ZFAND3: variants seen among roughly 807,000 people sequenced by gnomAD.
ZFAND3 encodes zinc finger AN1-type containing 3.
In ZFAND3, 10 loss-of-function variants were observed where a neutral mutation model predicts 29.6. That is an observed-to-expected ratio of 0.34 (90% CI 0.21 to 0.57). The LOEUF (loss-of-function observed/expected upper bound fraction) is 0.57. ZFAND3 is among the 20% of genes least tolerant of loss of function. ZFAND3 has a pLI of 0.86. For missense variants in ZFAND3, 230 were observed against 304.5 expected, an observed-to-expected ratio of 0.76 and a Z score of 1.82; for synonymous variants, 128 against 112.6, an observed-to-expected ratio of 1.14 and a Z score of -0.87.
At chr6:38,088,077 G>C (rs1283657560) in intron 4 of ZFAND3, among the ~76,000 whole-genome samples, 1 of 152,142 alleles carries the variant, frequency 6.6e-6, no homozygotes. Flanking sequence ...TCCTGGTAGA[G>C]TCAATATTCA....
At chr6:38,143,159 C>T (rs12662940) in intron 5 of ZFAND3, 13,070 of 152,332 alleles carry the variant, frequency 0.086, 751 homozygotes, top group East Asian at 0.29. Flanking sequence ...TAGAAGGAGA[C>T]ATTACTGGGA....
Position 38,119,405 on chromosome 6 carries a change from C to T in ZFAND3, c.529+2666C>T, listed in dbSNP as rs1462579783. 2.6e-5 allele frequency among the ~76,000 whole-genome samples: 4 copies of T among 152,298 alleles called. No individual in the cohort carries two copies. The East Asian group carries it at 7.7e-4, about 29-fold the overall frequency. ...TTTGAGCTCAAACAGAACACTTCTT[C>T]CCTGCAGAAAATCTTTTTTTAAATA... is the stretch of plus-strand genomic sequence containing the variant. On this transcript the variant is annotated intron_variant, in intron 5 of 5. Coordinates refer to ENST00000287218, the MANE Select transcript of ZFAND3 (RefSeq NM_021943.3).
chr6:37,898,991 G>T (rs760811454), intron 1 of ZFAND3, among the ~76,000 whole-genome samples: 1 of 152,260 alleles, frequency 6.6e-6, no homozygotes, highest in Admixed American at 6.5e-5. Context: ...TGCCTCCCGG[G>T]TTCACGCCAT....
intron 5 of ZFAND3, among the ~76,000 whole-genome samples, chr6:38,117,595 G>C (rs937078491): frequency 6.6e-6 from 1 of 152,082 alleles, no homozygotes; most frequent in African/African-American, 2.4e-5. Flanking sequence ...TTATAAAATT[G>C]TTTGAGGACC....
intron 5 of ZFAND3, among the ~76,000 whole-genome samples, chr6:38,127,446 C>T (rs566440229): frequency 5.3e-5 from 8 of 152,270 alleles, no homozygotes; most frequent in South Asian, 2.1e-4. Context: ...ATATGTCACG[C>T]GTGTGTCTAG....
intron 1 of ZFAND3, among the ~76,000 whole-genome samples, chr6:37,832,493 A>T (rs1763880731): frequency 6.6e-6 from 1 of 152,248 alleles, no homozygotes; most frequent in Non-Finnish European, 1.5e-5. Context: ...GTACAGTAGG[A>T]AAAAGTTCAT....
chr6:38,127,956 C>T (rs1177198083), intron 5 of ZFAND3, among the ~76,000 whole-genome samples: 1 of 152,154 alleles, frequency 6.6e-6, no homozygotes, highest in Admixed American at 6.5e-5. Flanking sequence ...ACTATCTCTT[C>T]TGAAGTACCC....
At chr6:37,888,056 A>G (rs1424810344) in intron 1 of ZFAND3, among the ~76,000 whole-genome samples, 1 of 152,132 alleles carries the variant, frequency 6.6e-6, no homozygotes, top group Non-Finnish European at 1.5e-5. Flanking sequence ...ACAAAACAAA[A>G]CTGTAAGGTG....
At chr6:37,981,884 A>G (rs1762586465) in intron 2 of ZFAND3, among the ~76,000 whole-genome samples, 1 of 152,168 alleles carries the variant, frequency 6.6e-6, no homozygotes, top group South Asian at 2.1e-4. Context: ...TATTTTAAGG[A>G]GACATGATAC....
At chr6:37,924,629 G>A (rs1056969462) in intron 1 of ZFAND3, among the ~76,000 whole-genome samples, 5 of 151,950 alleles carry the variant, frequency 3.3e-5, no homozygotes, top group African/African-American at 1.2e-4. Flanking sequence ...GAGCCCAGGA[G>A]TTTGAGATCA....
rs1483331826 is a variant in ZFAND3, at chr6:38,109,924, G to A, written c.362-6648G>A. Among the ~76,000 whole-genome samples the A allele has an allele frequency of 5.9e-5, 9 of 152,228 alleles. No homozygotes were observed. In the East Asian group the frequency reaches 1.2e-3, roughly 20 times the overall value. ...GCCGTATGTTTTTTGAGCATACTAA[G>A]GACAAAGACCTCAAAGCTCAGGTGC... On this transcript the variant is annotated intron_variant, in intron 4 of 5. Transcript: ENST00000287218.
At chr6:38,063,809 ATAT>A (rs1375983407) in intron 3 of ZFAND3, among the ~76,000 whole-genome samples, 2 of 152,240 alleles carry the variant, frequency 1.3e-5, no homozygotes, top group East Asian at 1.9e-4. Flanking sequence ...AGAGGAGGTG[ATAT>A]TATTACAGTT....
chr6:37,996,135 A>G (rs1310233025), intron 2 of ZFAND3, among the ~76,000 whole-genome samples: 2 of 152,178 alleles, frequency 1.3e-5, no homozygotes, highest in Non-Finnish European at 2.9e-5. Flanking sequence ...ATTTCAAAAA[A>G]AAAAAAAGAG....
At chr6:37,866,127 G>A (rs1200239373) in intron 1 of ZFAND3, among the ~76,000 whole-genome samples, 1 of 152,134 alleles carries the variant, frequency 6.6e-6, no homozygotes, top group Non-Finnish European at 1.5e-5. Context: ...AGGCTCTGTA[G>A]TGGCAACTCC....
intron 4 of ZFAND3, among the ~76,000 whole-genome samples, chr6:38,106,073 C>G (rs1765202336): frequency 6.6e-6 from 1 of 152,028 alleles, no homozygotes; most frequent in Non-Finnish European, 1.5e-5. Context: ...GCTTCCCAGA[C>G]TGTGAAATGT....
chr6:37,895,044 A>C (rs930670976), intron 1 of ZFAND3, among the ~76,000 whole-genome samples: 3 of 152,094 alleles, frequency 2.0e-5, no homozygotes, highest in Non-Finnish European at 4.4e-5. Context: ...AGGGCTTATT[A>C]TGTTTCCAAT....
chr6:38,074,621 A>G (rs1404430122), intron 3 of ZFAND3, among the ~76,000 whole-genome samples: 1 of 152,252 alleles, frequency 6.6e-6, no homozygotes, highest in African/African-American at 2.4e-5. Flanking sequence ...TTGCTGATGT[A>G]GAAGCTGTAG....
intron 5 of ZFAND3, among the ~76,000 whole-genome samples, chr6:38,135,459 G>T (rs745385793): frequency 6.6e-6 from 1 of 152,152 alleles, no homozygotes; most frequent in South Asian, 2.1e-4. Flanking sequence ...AAATGAACAC[G>T]TGAGGCCGGC....
intron 3 of ZFAND3, among the ~76,000 whole-genome samples, chr6:38,065,028 A>C (rs148298616): frequency 6.6e-6 from 1 of 152,272 alleles, no homozygotes; most frequent in East Asian, 1.9e-4. Flanking sequence ...GAGCAAAGAA[A>C]AGCAGGGAGG....
Sources: gnomAD v4.1 joint callset for allele counts (sites outside exome capture counted in the v4.1 genomes callset) on GRCh38, gnomAD v4.1.1 for gene constraint, MANE v1.5 for transcripts, NCBI Gene and HGNC (gene_info 2026-07-23, HGNC 2026-07-21) for gene names.